CADM2: variants seen among roughly 807,000 people sequenced by gnomAD.
The protein encoded by CADM2 is cell adhesion molecule 2, also known as immunoglobulin superfamily member 4D.
In CADM2, 12 loss-of-function variants were observed where a neutral mutation model predicts 49.8. That is an observed-to-expected ratio of 0.24 (90% CI 0.15 to 0.39). The LOEUF (loss-of-function observed/expected upper bound fraction) is 0.39, where lower values mean the gene tolerates loss of function less well. Among genes scored for constraint, CADM2 ranks in the 10% least tolerant of loss-of-function variants. CADM2 has a pLI of 1.00. For missense variants in CADM2, 378 were observed against 492.3 expected, an observed-to-expected ratio of 0.77 and a Z score of 2.20; for synonymous variants, 214 against 175.4, an observed-to-expected ratio of 1.22 and a Z score of -1.74.
At chr3:86,046,285 G>A (rs539634804) in intron 8 of CADM2, among the ~76,000 whole-genome samples, 9 of 152,084 alleles carry the variant, frequency 5.9e-5, no homozygotes, top group Non-Finnish European at 1.2e-4. Flanking sequence ...AAATTTAGAA[G>A]TATTTTAATT....
intron 1 of CADM2, among the ~76,000 whole-genome samples, chr3:85,275,274 A>G (rs2043329910): frequency 6.6e-6 from 1 of 151,534 alleles, no homozygotes; most frequent in Non-Finnish European, 1.5e-5. Flanking sequence ...TAAAAATTCC[A>G]AATGGTGTTT....
chr3:85,579,919 T>G (rs953287770), intron 1 of CADM2, among the ~76,000 whole-genome samples: 1 of 152,182 alleles, frequency 6.6e-6, no homozygotes, highest in East Asian at 1.9e-4. Context: ...ATGTACATCC[T>G]GCAGAAAATG....
chr3:85,199,947 G>T (rs911966525), intron 1 of CADM2, among the ~76,000 whole-genome samples: 1 of 152,014 alleles, frequency 6.6e-6, no homozygotes, highest in African/African-American at 2.4e-5. Flanking sequence ...TCGTGGGCAG[G>T]TTATGCAGTT....
intron 8 of CADM2, chr3:86,012,464 C>A: frequency 5.8e-6 from 4 of 687,740 alleles, no homozygotes; most frequent in East Asian, 3.9e-5. Context: ...CCTGCAGAGC[C>A]GGCCGACCTG....
At position 85,293,208 on chromosome 3, in the gene CADM2, AACACAT is replaced by A. The variant is rs1460143521; in HGVS notation, c.61+333545_61+333550del. Among the ~76,000 whole-genome samples the A allele has an allele frequency of 9.2e-5, 14 of 152,102 alleles. No individual in the cohort carries two copies. The East Asian group carries it at 2.7e-3, about 29-fold the overall frequency. Reference sequence around the variant, plus strand: ...TCTAGAAGAAATGGATAAATTCCTCAACACATACACTCTCCCAAGACTAAACCAGGA... The same window carrying A: ...TCTAGAAGAAATGGATAAATTCCTCAACACTCTCCCAAGACTAAACCAGGA... On this transcript the variant is annotated intron_variant, in intron 1 of 9. Coordinates refer to ENST00000383699, the MANE Select transcript of CADM2 (RefSeq NM_001167675.2).
At chr3:85,110,143 T>C (rs1456488808) in intron 1 of CADM2, among the ~76,000 whole-genome samples, 1 of 151,732 alleles carries the variant, frequency 6.6e-6, no homozygotes, top group Admixed American at 6.6e-5. Flanking sequence ...AGAAAAGAGA[T>C]TTAGGAAGGA....
At chr3:85,231,232 AT>A (rs1478860859) in intron 1 of CADM2, among the ~76,000 whole-genome samples, 4 of 152,092 alleles carry the variant, frequency 2.6e-5, no homozygotes, top group African/African-American at 7.2e-5. Context: ...CACTGAGACA[AT>A]TTTTTTCATT....
At chr3:85,574,164 T>G (rs140814332) in intron 1 of CADM2, among the ~76,000 whole-genome samples, 99 of 152,314 alleles carry the variant, frequency 6.5e-4, no homozygotes, top group African/African-American at 2.3e-3. Context: ...TCTGGGCAAG[T>G]TTTTAGGCCT....
chr3:85,202,268 G>A (rs967167984), intron 1 of CADM2, among the ~76,000 whole-genome samples: 1 of 151,964 alleles, frequency 6.6e-6, no homozygotes, highest in African/African-American at 2.4e-5. Flanking sequence ...TTAGAGTGGT[G>A]AATCTTTTCC....
chr3:85,344,405 A>AAATAAATT, intron 1 of CADM2, among the ~76,000 whole-genome samples: 1 of 150,000 alleles, frequency 6.7e-6, no homozygotes, highest in Admixed American at 6.7e-5. Flanking sequence ...ATAAATAAAT[A>AAATAAATT]AATAAATAAA....
intron 1 of CADM2, among the ~76,000 whole-genome samples, chr3:85,049,745 A>T (rs371048935): frequency 2.0e-5 from 3 of 152,322 alleles, no homozygotes; most frequent in African/African-American, 7.2e-5. Context: ...AAACAGCTTT[A>T]AAAAATAAAT....
chr3:85,399,556 C>A (rs1050455017), intron 1 of CADM2, among the ~76,000 whole-genome samples: 5 of 152,120 alleles, frequency 3.3e-5, no homozygotes, highest in Admixed American at 3.3e-4. Flanking sequence ...GAATCTATAA[C>A]ATACCTTGGG....
At chr3:85,624,136 G>A (rs2064054987) in intron 1 of CADM2, among the ~76,000 whole-genome samples, 1 of 152,030 alleles carries the variant, frequency 6.6e-6, no homozygotes, top group African/African-American at 2.4e-5. Context: ...ACCATATAGA[G>A]AATCATTTTG....
chr3:85,030,698 A>G lies in CADM2; in HGVS notation c.61+71030A>G, dbSNP rs1576072064. On this transcript the variant is annotated intron_variant, in intron 1 of 9. Coordinates refer to ENST00000383699, the MANE Select transcript of CADM2 (RefSeq NM_001167675.2). Reference sequence around the variant, plus strand: ...TTCCTCCCAATCTCAGAGAAAGAGAACTCCATTTACAGCCCACACCTTTCC... The same window carrying G: ...TTCCTCCCAATCTCAGAGAAAGAGAGCTCCATTTACAGCCCACACCTTTCC... Among the ~76,000 whole-genome samples the G allele has an allele frequency of 2.6e-5, 4 of 151,922 alleles. 1 individual carries two copies. The highest frequency in any genetic ancestry group is 2.6e-4 in the Admixed American group (4 of 15,236).
chr3:84,973,073 C>T (rs765976599), intron 1 of CADM2, among the ~76,000 whole-genome samples: 4 of 152,058 alleles, frequency 2.6e-5, no homozygotes, highest in Non-Finnish European at 5.9e-5. Flanking sequence ...GCCACCACGC[C>T]GGCTAAATTT....
chr3:85,751,376 A>G (rs1049695029), intron 2 of CADM2, among the ~76,000 whole-genome samples: 1 of 152,156 alleles, frequency 6.6e-6, no homozygotes, highest in Non-Finnish European at 1.5e-5. Context: ...CCTTGGTATT[A>G]TTAGATGTCA....
chr3:85,038,136 A>T (rs2035295801), intron 1 of CADM2, among the ~76,000 whole-genome samples: 1 of 152,126 alleles, frequency 6.6e-6, no homozygotes, highest in Admixed American at 6.6e-5. Context: ...AACCTCCTCT[A>T]AATTTTTGAA....
chr3:85,222,309 C>T (rs1473696627), intron 1 of CADM2, among the ~76,000 whole-genome samples: 3 of 152,238 alleles, frequency 2.0e-5, no homozygotes, highest in East Asian at 1.9e-4. Flanking sequence ...TCCCAGCCAA[C>T]GACTGAACAT....
At chr3:85,091,404 T>C (rs2037591965) in intron 1 of CADM2, among the ~76,000 whole-genome samples, 1 of 152,204 alleles carries the variant, frequency 6.6e-6, no homozygotes, top group South Asian at 2.1e-4. Context: ...TTTTACTATA[T>C]ATTAAACATA....
Sources: allele counts gnomAD v4.1 joint callset (sites outside exome capture counted in the v4.1 genomes callset), GRCh38; gene constraint gnomAD v4.1.1; transcripts MANE v1.5; gene names NCBI Gene and HGNC (gene_info 2026-07-23, HGNC 2026-07-21).